Variants in SP110 observed in about 807,000 individuals in gnomAD.
SP110 encodes the protein SP110 nuclear body protein.
Under a neutral mutation model 92.7 loss-of-function variants are expected in SP110, and 62 were observed. The ratio of observed to expected loss-of-function variants is 0.67; its 90% CI spans 0.55 to 0.83. The LOEUF (loss-of-function observed/expected upper bound fraction) is 0.83, where lower values mean the gene tolerates loss of function less well. SP110 is among the 40% of genes least tolerant of loss of function. SP110 has a pLI of 0.00. For synonymous variants in SP110, 273 were observed against 305.3 expected, an observed-to-expected ratio of 0.89 and a Z score of 1.10; for missense variants, 793 against 863.9, an observed-to-expected ratio of 0.92 and a Z score of 1.03.
chr2:230,213,760 G>A (rs2044763212), intron 3 of SP110: 1 of 152,748 alleles, frequency 6.5e-6, no homozygotes, highest in African/African-American at 2.4e-5. Context: ...GATGACTGAA[G>A]CTCAGCCAGG....
At chr2:230,176,772 C>A in intron 14 of SP110, 1 of 1,602,182 alleles carries the variant, frequency 6.2e-7, no homozygotes, top group Non-Finnish European at 8.6e-7. Context: ...GGAGGTTTTT[C>A]TTTTGTAGAT....
rs773110349 is a variant in SP110 at position 230,186,090 on chromosome 2, C to T, written c.1183G>A (p.Val395Met). ...GTTGAGTCGTCTTTCCTTTGAGTCA[C>T]CTTATCCACCACTTGGAGCTTCTCT... is the stretch of plus-strand genomic sequence containing the variant. ...IQEKLQVVDK[V>M]TQRKDDSTWN... is the part of the protein sequence containing the mutation. Residue 395 changes from valine to methionine, a missense_variant, in exon 11 of 19, where the codon GTG becomes ATG. Transcript: ENST00000258381. 1 of 1,614,114 alleles carries T rather than the reference C, an allele frequency of 6.2e-7. No individual in the cohort carries two copies. Among genetic ancestry groups the T allele is most frequent in the South Asian group, 1.1e-5 (1 of 91,078 alleles).
At chr2:230,192,456 T>C (rs2042679525) in intron 10 of SP110, among the ~76,000 whole-genome samples, 4 of 152,148 alleles carry the variant, frequency 2.6e-5, no homozygotes, top group Admixed American at 2.6e-4. Context: ...ACAAAATCAA[T>C]GTGCAAAAAT....
intron 10 of SP110, 126 bp from the exon 11 acceptor site, chr2:230,186,269 C>T: frequency 2.2e-6 from 2 of 894,112 alleles, no homozygotes; most frequent in South Asian, 3.2e-5. Flanking sequence ...TCTTTCTTCC[C>T]CCCAGACTCA....
chr2:230,209,252 TTG>T (rs2044207974), intron 7 of SP110, among the ~76,000 whole-genome samples: 2 of 151,902 alleles, frequency 1.3e-5, no homozygotes, highest in Admixed American at 1.3e-4. Context: ...AGGCCAAGAA[TTG>T]GTGGAGGAAA....
At chr2:230,183,945 GTA>G (rs796257739) in intron 11 of SP110, among the ~76,000 whole-genome samples, 4 of 151,816 alleles carry the variant, frequency 2.6e-5, no homozygotes, top group African/African-American at 9.7e-5. Context: ...CACACGGCAT[GTA>G]TTTCAAGCCC....
At chr2:230,204,251 C>A (rs748003422) in intron 8 of SP110, among the ~76,000 whole-genome samples, 1 of 152,138 alleles carries the variant, frequency 6.6e-6, no homozygotes, top group Non-Finnish European at 1.5e-5. Context: ...AGAGGTTTCC[C>A]CTCTCTAACA....
At chr2:230,184,350 A>C (rs1293535590) in intron 11 of SP110, among the ~76,000 whole-genome samples, 1 of 152,096 alleles carries the variant, frequency 6.6e-6, no homozygotes, top group Non-Finnish European at 1.5e-5. Context: ...GCAGTGGTTA[A>C]CACTGGGTGA....
intron 1 of SP110, among the ~76,000 whole-genome samples, chr2:230,218,058 A>G (rs2045420470): frequency 6.6e-6 from 1 of 152,278 alleles, no homozygotes; most frequent in African/African-American, 2.4e-5. Context: ...TTGGCCATTT[A>G]TGGACTGTGA....
intron 10 of SP110, among the ~76,000 whole-genome samples, chr2:230,198,038 A>G (rs987952533): frequency 1.3e-5 from 2 of 152,162 alleles, no homozygotes; most frequent in African/African-American, 4.8e-5. Context: ...AACAAATGAA[A>G]CCAAATTTTG....
chr2:230,220,705 A>G (rs1051198062), upstream of SP110, among the ~76,000 whole-genome samples: 4 of 152,116 alleles, frequency 2.6e-5, no homozygotes, highest in African/African-American at 9.7e-5. Context: ...GGGGCCTATG[A>G]AAAATCCTAA....
intron 17 of SP110, chr2:230,171,052 T>G: frequency 1.9e-6 from 1 of 513,326 alleles, no homozygotes; most frequent in Non-Finnish European, 3.5e-6. Flanking sequence ...AGCAAGAAAG[T>G]GGTAGAGCTG....
upstream of SP110, among the ~76,000 whole-genome samples, chr2:230,224,337 A>T (rs1052939759): frequency 2.0e-4 from 31 of 151,952 alleles, no homozygotes; most frequent in Non-Finnish European, 4.6e-4. Flanking sequence ...TATAGTCTGT[A>T]CCAGGCCTTG....
chr2:230,183,706 A>C, intron 11 of SP110, 66 bp from the exon 12 acceptor site: 2 of 1,043,420 alleles, frequency 1.9e-6, no homozygotes, highest in Admixed American at 1.7e-5. Context: ...TAGGTTAACA[A>C]TCTTCAAGCA....
chr2:230,176,393 C>T, intron 14 of SP110: 1 of 1,236,850 alleles, frequency 8.1e-7, no homozygotes, highest in Non-Finnish European at 1.0e-6. Flanking sequence ...GTTGCCTAGG[C>T]TTAGAGCATT....
At chr2:230,221,814 A>C, upstream of SP110, 1 of 1,200,100 alleles carries the variant, frequency 8.3e-7, no homozygotes, top group Non-Finnish European at 1.2e-6. Flanking sequence ...GCAAATGCAA[A>C]ACAAACAAAC....
chr2:230,187,879 G>A (rs2042428614), intron 10 of SP110, among the ~76,000 whole-genome samples: 1 of 152,150 alleles, frequency 6.6e-6, no homozygotes, highest in Non-Finnish European at 1.5e-5. Flanking sequence ...GTATCATGCT[G>A]TTTTGGTAAC....
chr2:230,211,387 C>T lies in SP110; in HGVS notation c.751+83G>A, dbSNP rs1408312357. The stretch of plus-strand genomic sequence containing the variant: ...TGCTGAGAGGCAGGAGGAGAGCCCC[C>T]TCTCTAGAAGATCCGAATGGCTTTT... On this transcript the variant is annotated intron_variant, in intron 6 of 18. Transcript: ENST00000258381. This position sits in a 1 kb window ranked among gnomAD's most constrained non-coding sequence, Gnocchi z 4.2. 6 of 893,076 alleles carry T rather than the reference C, an allele frequency of 6.7e-6. No homozygotes were observed. Among genetic ancestry groups the T allele is most frequent in the Non-Finnish European group, 1.1e-5 (6 of 525,512 alleles). The allele number at this position is 893,076 out of a possible 1,614,324, so 55.3% of individuals were successfully genotyped here.
chr2:230,185,913 ATATC>A, intron 11 of SP110, 77 bp downstream of exon 11: 3 of 1,201,482 alleles, frequency 2.5e-6, no homozygotes, highest in Non-Finnish European at 3.7e-6. Context: ...TTGACTTTAC[ATATC>A]TATCTGACCC....
Sources: gnomAD v4.1 joint callset for allele counts (sites outside exome capture counted in the v4.1 genomes callset) on GRCh38, gnomAD v4.1.1 for gene constraint, Gnocchi (gnomAD v3.1) non-coding constraint, MANE v1.5 for transcripts, NCBI Gene and HGNC (gene_info 2026-07-23, HGNC 2026-07-21) for gene names.